The following DNAH2 variants were observed in gnomAD, a reference collection of about 807,000 sequenced individuals.
DNAH2 encodes the protein dynein axonemal heavy chain 2, also known as axonemal beta dynein heavy chain 2.
A neutral mutation model predicts 523.5 loss-of-function variants in DNAH2; 323 were observed. The observed-to-expected ratio is 0.62, with a 90% CI of 0.56 to 0.68. DNAH2 has a LOEUF of 0.68. Among genes scored for constraint, DNAH2 ranks in the 30% least tolerant of loss-of-function variants. DNAH2 has a pLI of 0.00. For synonymous variants in DNAH2, 2,093 were observed against 2,177.4 expected, an observed-to-expected ratio of 0.96 and a Z score of 1.08; for missense variants, 4,907 against 5,701.5, an observed-to-expected ratio of 0.86 and a Z score of 4.49.
At chr17:7,722,964 C>CTTTTTTTTTTTTTTTTTTTTTTTTT (rs559136734) in intron 2 of DNAH2, among the ~76,000 whole-genome samples, 2 of 114,698 alleles carry the variant, frequency 1.7e-5, no homozygotes, top group Non-Finnish European at 3.5e-5. Context: ...CTTTTCTTTC[C>CTTTTTTTTTTTTTTTTTTTTTTTTT]TTTTTTTTTT....
At position 7,787,818 on chromosome 17, in the gene DNAH2, G is replaced by T. The variant is rs75438481; in HGVS notation, c.6604-42G>T. 14,502 of 1,567,680 alleles carry T rather than the reference G, an allele frequency of 9.3e-3. 194 individuals are homozygous for T. The highest frequency in any genetic ancestry group is 0.059 in the African/African-American group (4,336 of 73,828). ...TGTTTTATTATTCCTGAAGGTGGGG[G>T]ATGCAGAGAAAGATGAAGTTCTGAC... On this transcript the variant is annotated intron_variant, in intron 42 of 85. Transcript: ENST00000572933.
chr17:7,738,790 T>A (rs377726417), intron 8 of DNAH2: 38 of 579,150 alleles, frequency 6.6e-5, no homozygotes, highest in African/African-American at 6.4e-4. Context: ...TTGAGTCTTG[T>A]CCTTTGGGAT....
chr17:7,776,712 C>T (rs967367286), intron 31 of DNAH2, 67 bp from the exon 32 acceptor site: 2 of 1,303,004 alleles, frequency 1.5e-6, no homozygotes, highest in Non-Finnish European at 2.2e-6. Context: ...TTAGCTGGGA[C>T]TTGGGAGCTG....
chr17:7,829,033 T>TTA (rs1567767855), intron 77 of DNAH2, among the ~76,000 whole-genome samples: 123 of 142,480 alleles, frequency 8.6e-4, no homozygotes, highest in Non-Finnish European at 1.4e-3. Flanking sequence ...TATTATTATT[T>TTA]TTTTTTTTTT....
At position 7,728,018 on chromosome 17, in the gene DNAH2, T is replaced by C. The variant is rs78541136; in HGVS notation, c.399+726T>C. Among the ~76,000 whole-genome samples the C allele has an allele frequency of 2.4e-4, 37 of 151,986 alleles. No homozygotes were observed. The East Asian group carries it at 6.4e-3, about 26-fold the overall frequency. ...ACTCTACGTACAAAGAAAAGAGAAGTAGTGGGAAGTGATACTGAAAGGGGC... is the reference window on the plus strand; with the variant it reads ...ACTCTACGTACAAAGAAAAGAGAAGCAGTGGGAAGTGATACTGAAAGGGGC... On this transcript the variant is annotated intron_variant, in intron 4 of 85. Transcript: ENST00000572933.
At chr17:7,789,500 C>T (rs2076837537) in intron 44 of DNAH2, among the ~76,000 whole-genome samples, 1 of 151,834 alleles carries the variant, frequency 6.6e-6, no homozygotes, top group Non-Finnish European at 1.5e-5. Flanking sequence ...GCTGGGAGCA[C>T]AGACTAAGGA....
chr17:7,812,048 G>A (rs927357235), intron 63 of DNAH2, among the ~76,000 whole-genome samples: 2 of 152,174 alleles, frequency 1.3e-5, no homozygotes, highest in Non-Finnish European at 2.9e-5. Flanking sequence ...GCCAAAGACC[G>A]TAGAAGAAAC....
At position 7,791,970 on chromosome 17, in the gene DNAH2, G is replaced by A. The variant is rs1367800285; in HGVS notation, c.6954G>A (p.Val2318=). The change falls in exon 45 of 86, where the codon GTG becomes GTA. Residue 2318 remains valine, a synonymous_variant. Transcript: ENST00000572933. ...NYVTMVEMTF[V]FSMIWSVCAS... Reference sequence around the variant, plus strand: ...TCACCATGGTAGAGATGACATTTGTGTTCAGCATGATCTGGTCTGTGTGTG... The same window carrying A: ...TCACCATGGTAGAGATGACATTTGTATTCAGCATGATCTGGTCTGTGTGTG... 2 of 1,614,108 alleles carry A rather than the reference G, an allele frequency of 1.2e-6. No individual in the cohort carries two copies. The highest frequency in any genetic ancestry group is 3.3e-5 in the Admixed American group (2 of 60,006).
In DNAH2 at chr17:7,788,012, G is replaced by C; in HGVS notation, c.6741+15G>C. On this transcript the variant is annotated intron_variant, in intron 43 of 85. Coordinates refer to ENST00000572933, the MANE Select transcript of DNAH2 (RefSeq NM_020877.5). The stretch of plus-strand genomic sequence containing the variant: ...AGAGGCCAAAGGTATGAAGGGAACT[G>C]AGGAGAGGGAAAGTAACCAGGGTGG... 3.1e-6 allele frequency: 5 copies of C among 1,613,904 alleles called. No homozygotes were observed. The highest frequency in any genetic ancestry group is 4.2e-6 in the Non-Finnish European group (5 of 1,179,836).
chr17:7,799,363 C>A, intron 56 of DNAH2, 121 bp downstream of exon 56: 2 of 1,382,362 alleles, frequency 1.4e-6, no homozygotes, highest in East Asian at 2.4e-5. Flanking sequence ...CCCGCCTCAC[C>A]CATCTCCTTT....
chr17:7,770,253 C>A lies in DNAH2; in HGVS notation c.3943C>A (p.His1315Asn). 1.9e-6 allele frequency: 3 copies of A among 1,600,924 alleles called. No homozygotes were observed. Among genetic ancestry groups the A allele is most frequent in the South Asian group, 1.1e-5 (1 of 88,568 alleles). ...ACACCCTCCTGTTCCTGGCTGCAGG[C>A]ACTGGGACCAGGTCCGGGATGAGAT... is the stretch of plus-strand genomic sequence containing the variant. ...DLRNPALRER[H>N]WDQVRDEIQR... is the part of the protein sequence containing the mutation. The change falls in exon 25 of 86, where the codon CAC becomes AAC. Residue 1315 changes from histidine (H) to asparagine (N), a missense_variant and splice_region_variant. Around this residue, in one of 3 missense-constraint regions of DNAH2, gnomAD observed 2,806 missense variants for 3,190.8 expected, o/e 0.88. Coordinates refer to ENST00000572933, the MANE Select transcript of DNAH2 (RefSeq NM_020877.5).
rs530279571 is a variant in DNAH2 at position 7,742,058 on chromosome 17, C to T, written c.1690-870C>T. Among the ~76,000 whole-genome samples the T allele has an allele frequency of 5.3e-5, 8 of 152,242 alleles. No homozygotes were observed. The South Asian group carries it at 1.4e-3, about 28-fold the overall frequency. On this transcript the variant is annotated intron_variant, in intron 11 of 85. Transcript: ENST00000572933. ...AAGATACAGCCTCATGATCCAGAGA[C>T]CTGGACAGGTGACACCCTTACAGAG...
In DNAH2 at chr17:7,797,785, T is replaced by C. The variant is rs1387607737; in HGVS notation, c.8186T>C (p.Val2729Ala). ...ALNEYNLSPS[V>A]VPMQLVLFRE... ...AATGAGTATAACCTGTCACCCTCTG[T>C]CGTGCCCATGCAGCTAGTGCTCTTC... is the stretch of plus-strand genomic sequence containing the variant. Residue 2729 changes from valine to alanine, a missense_variant, in exon 53 of 86, where the codon GTC becomes GCC. Transcript: ENST00000572933. 6.2e-7 allele frequency: 1 copy of C among 1,613,876 alleles called. No homozygotes were observed.
chr17:7,762,905 A>C (rs868451103), intron 18 of DNAH2, among the ~76,000 whole-genome samples: 8 of 151,948 alleles, frequency 5.3e-5, no homozygotes, highest in Admixed American at 6.5e-5. Flanking sequence ...AAAAAAAAAA[A>C]AAAACCTGCC....
intron 51 of DNAH2, 68 bp from the exon 52 acceptor site, chr17:7,797,332 C>T (rs1228927206): frequency 1.5e-5 from 24 of 1,613,436 alleles, no homozygotes; most frequent in Non-Finnish European, 1.9e-5. Flanking sequence ...TGTTCCCAGC[C>T]TGACACTGCC....
rs750527985 is a variant in DNAH2, at chr17:7,774,964, G to T, written c.4707G>T (p.Leu1569=). 2.5e-6 allele frequency: 4 copies of T among 1,613,746 alleles called. No homozygotes were observed. The highest frequency in any genetic ancestry group is 1.3e-5 in the African/African-American group (1 of 74,914). The change falls in exon 29 of 86, where the codon CTG becomes CTT. Residue 1569 remains leucine, a synonymous_variant. Transcript: ENST00000572933. ...AATGCTTTGACAACATCAAGTTGCT[G>T]AGAATCCAGAAGGTCAGTAGAAGTG... ...LKKCFDNIKL[L]RIQKVGGPSS...
Position 7,741,010 on chromosome 17 carries a change from T to C in DNAH2, c.1689+18T>C. ...TCATGACCGTAAGTGCCTGGCCTTC[T>C]CCATATTCTGTCGTCAGTGAGACCG... On this transcript the variant is annotated intron_variant, in intron 11 of 85. Transcript: ENST00000572933. 6.3e-7 allele frequency: 1 copy of C among 1,584,388 alleles called. No homozygotes were observed. Among genetic ancestry groups the C allele is most frequent in the Non-Finnish European group, 8.6e-7 (1 of 1,158,630 alleles).
At chr17:7,813,917 AAAAAAAATTATTTATTC>A (rs1195681073) in intron 63 of DNAH2, among the ~76,000 whole-genome samples, 1 of 152,064 alleles carries the variant, frequency 6.6e-6, no homozygotes, top group African/African-American at 2.4e-5. Context: ...CAAAAAAAAA[AAAAAAAATTATTTATTC>A]AAAAAAATAT....
intron 2 of DNAH2, among the ~76,000 whole-genome samples, chr17:7,721,534 T>C (rs2074607060): frequency 1.5e-5 from 2 of 135,264 alleles, no homozygotes; most frequent in East Asian, 5.1e-4. Context: ...GGGAGTTGGA[T>C]CATCTCACCT....
Sources: allele counts gnomAD v4.1 joint callset (sites outside exome capture counted in the v4.1 genomes callset), GRCh38; gene constraint gnomAD v4.1.1; regional missense constraint gnomAD v4.1.1; transcripts MANE v1.5; gene names NCBI Gene and HGNC (gene_info 2026-07-23, HGNC 2026-07-21).